AATK: variants seen among roughly 807,000 people sequenced by gnomAD.
The protein encoded by AATK is lemur tail kinase 1.
Under a neutral mutation model 114.3 loss-of-function variants are expected in AATK, and 91 were observed. The ratio of observed to expected loss-of-function variants is 0.80; its 90% CI spans 0.67 to 0.95. AATK has a LOEUF of 0.95. Ranked by LOEUF, AATK falls within the 40% of genes least tolerant of loss-of-function variation. The pLI, the probability that AATK is intolerant of heterozygous loss-of-function variation, is 0.00. For missense variants in AATK, 2,176 were observed against 1,965.2 expected (o/e 1.11, Z -2.03); for synonymous variants, 1,075 against 916.5 (o/e 1.17, Z -3.12).
chr17:81,124,016 A>G, intron 9 of AATK, among the ~76,000 whole-genome samples: 1 of 152,056 alleles, frequency 6.6e-6, no homozygotes, highest in East Asian at 1.9e-4. Context: ...AGGAAGGGGC[A>G]CCTTGGTGGA....
chr17:81,165,534 T>C, intron 1 of AATK: 2 of 855,694 alleles, frequency 2.3e-6, no homozygotes, highest in Non-Finnish European at 3.3e-6. Context: ...GGAAGAAGCC[T>C]CCCACGCCAG....
chr17:81,121,926 C>T lies in AATK; in HGVS notation c.2010G>A (p.Arg670=), dbSNP rs779863844. 1 of 1,600,606 alleles carries T rather than the reference C, an allele frequency of 6.2e-7. No individual in the cohort carries two copies. Residue 670 remains arginine, a synonymous_variant, in exon 11 of 14, where the codon CGG becomes CGA. Transcript: ENST00000326724. The part of the protein sequence containing the change: ...GEDELEEVGA[R]RAAQRGHWRS... The stretch of plus-strand genomic sequence containing the variant: ...GCCAGTGCCCGCGCTGGGCGGCCCT[C>T]CGCGCTCCCACCTCCTCTAGCTCAT...
At chr17:81,140,464 C>A (rs924799832) in intron 1 of AATK, among the ~76,000 whole-genome samples, 3 of 152,216 alleles carry the variant, frequency 2.0e-5, no homozygotes, top group Non-Finnish European at 2.9e-5. Flanking sequence ...TCCCGATCCT[C>A]GAAACTTGAG....
intron 1 of AATK, among the ~76,000 whole-genome samples, chr17:81,137,155 G>A (rs2061023094): frequency 6.6e-6 from 1 of 152,048 alleles, no homozygotes; most frequent in African/African-American, 2.4e-5. Context: ...CCACACAGGA[G>A]GCTGACACAG....
chr17:81,119,907 G>A (rs981622789), intron 12 of AATK, 29 bp downstream of exon 12: 11 of 1,410,344 alleles, frequency 7.8e-6, no homozygotes, highest in Admixed American at 3.4e-5. Flanking sequence ...CTCCCGTGAC[G>A]TCACGGGCCC....
intron 1 of AATK, among the ~76,000 whole-genome samples, chr17:81,158,573 G>A (rs2061394422): frequency 6.6e-6 from 1 of 152,226 alleles, no homozygotes; most frequent in African/African-American, 2.4e-5. Flanking sequence ...GAGGCCTTGT[G>A]TCCAGGACCT....
At chr17:81,155,014 G>A (rs2061344001) in intron 1 of AATK, among the ~76,000 whole-genome samples, 2 of 152,184 alleles carry the variant, frequency 1.3e-5, no homozygotes, top group Non-Finnish European at 2.9e-5. Context: ...TCCAGTGCTG[G>A]AGGTGTGAAC....
chr17:81,137,194 G>A (rs2061023829), intron 1 of AATK, among the ~76,000 whole-genome samples: 1 of 151,834 alleles, frequency 6.6e-6, no homozygotes, highest in South Asian at 2.1e-4. Context: ...GGAGGCGGAG[G>A]CTGCAGTGAG....
At chr17:81,145,269 A>G (rs150368575) in intron 1 of AATK, among the ~76,000 whole-genome samples, 2 of 30,574 alleles carry the variant, frequency 6.5e-5, no homozygotes, top group African/African-American at 9.3e-5. Flanking sequence ...AAAAGAAAAA[A>G]GAAAAAAATA....
intron 1 of AATK, among the ~76,000 whole-genome samples, chr17:81,141,928 C>T (rs895376544): frequency 2.6e-5 from 2 of 77,048 alleles, no homozygotes; most frequent in Middle Eastern, 5.4e-3. Flanking sequence ...TCCTTCCTTC[C>T]TTCCTTCCTT....
rs923223346 is a variant in AATK, at chr17:81,123,412, G to T, written c.963-69C>A. The T allele has an allele frequency of 4.5e-5, 58 of 1,289,294 alleles. 2 individuals carry two copies. In the South Asian group the frequency reaches 1.3e-3, roughly 29 times the overall value. 79.9% of individuals were successfully genotyped at this position (1,289,294 alleles called of 1,614,324 possible). ...ACAGCAAGGACCGCGCAGGATCCCCGGGGCGCCGAATGGGGCAGCTCCCGC... is the reference window on the plus strand; with the variant it reads ...ACAGCAAGGACCGCGCAGGATCCCCTGGGCGCCGAATGGGGCAGCTCCCGC... On this transcript the variant is annotated intron_variant, in intron 9 of 13. Transcript: ENST00000326724.
chr17:81,123,100 G>A (rs1384990074), intron 10 of AATK, 94 bp downstream of exon 10: 1 of 1,324,270 alleles, frequency 7.6e-7, no homozygotes, highest in Admixed American at 3.7e-5. Context: ...GGCAGGGCTG[G>A]AACGCCAGGG....
At chr17:81,122,938 C>T (rs988991668) in intron 10 of AATK, 115 bp from the exon 11 acceptor site, 72 of 1,062,042 alleles carry the variant, frequency 6.8e-5, no homozygotes, top group Non-Finnish European at 8.5e-5. Flanking sequence ...TTAAGGGTAT[C>T]TCCCACTTAA....
chr17:81,119,392 C>G lies in AATK; in HGVS notation c.4072G>C (p.Glu1358Gln), dbSNP rs187459344. The change falls in exon 13 of 14, where the codon GAG becomes CAG. Residue 1358 changes from glutamate to glutamine, a missense_variant. Around this residue, in one of 4 missense-constraint regions of AATK, gnomAD observed 1,701 missense variants for 1,394.7 expected, o/e 1.22. Transcript: ENST00000326724. ...SITHVSDSDA[E>Q]SKRGPEAGAG... ...GCCCAGGCCTCACCTCTCTTGGACTCGGCGTCCGAGTCAGACACGTGCGTG... is the reference window on the plus strand; with the variant it reads ...GCCCAGGCCTCACCTCTCTTGGACTGGGCGTCCGAGTCAGACACGTGCGTG... 6.4e-7 allele frequency: 1 copy of G among 1,563,238 alleles called. No individual in the cohort carries two copies.
In AATK at chr17:81,121,682, G is replaced by A; in HGVS notation, c.2254C>T (p.Gln752Ter). ...CPGLPHLCSAQGLAPAPCLVT... is the reference protein window; with the variant it reads ...CPGLPHLCSA ...AGGCAGGGAGCAGGTGCCAGGCCCT[G>A]GGCAGAGCATAGATGAGGGAGGCCG... Residue 752 changes from glutamine to a stop codon, truncating the protein, a stop_gained, in exon 11 of 14, where the codon CAG becomes TAG. Transcript: ENST00000326724. LOFTEE classifies it high-confidence loss of function. The A allele has an allele frequency of 4.7e-6, 7 of 1,501,476 alleles. No homozygotes were observed. The highest frequency in any genetic ancestry group is 6.2e-6 in the Non-Finnish European group (7 of 1,129,844). 93.0% of individuals were successfully genotyped at this position (1,501,476 alleles called of 1,614,324 possible). A position where few individuals can be genotyped will look rare whatever the true frequency, so the allele number is the denominator to read the frequency against.
chr17:81,148,978 G>T (rs770692693), intron 1 of AATK, among the ~76,000 whole-genome samples: 11 of 152,188 alleles, frequency 7.2e-5, no homozygotes, highest in Non-Finnish European at 1.3e-4. Context: ...ACGGAGACCG[G>T]GGGTGGAGGT....
chr17:81,148,369 C>T (rs564910671), intron 1 of AATK, among the ~76,000 whole-genome samples: 29 of 152,344 alleles, frequency 1.9e-4, no homozygotes, highest in African/African-American at 6.5e-4. Context: ...CTTGCTCCTC[C>T]ACCCTGACAT....
At position 81,119,360 on chromosome 17, in the gene AATK, C is replaced by A; in HGVS notation, c.4084+20G>T. ...CTGCCTCCCGCGTGCCCTTCTGCCA[C>A]AGCCCCGCCCAGGCCTCACCTCTCT... On this transcript the variant is annotated intron_variant, in intron 13 of 13. Transcript: ENST00000326724. The A allele has an allele frequency of 2.0e-6, 1 of 511,520 alleles. No homozygotes were observed. The highest frequency in any genetic ancestry group is 2.9e-6 in the Non-Finnish European group (1 of 348,376). The allele number at this position is 511,520 out of a possible 1,614,324, so 31.7% of individuals were successfully genotyped here. A position where few individuals can be genotyped will look rare whatever the true frequency, so the allele number is the denominator to read the frequency against.
intron 1 of AATK, among the ~76,000 whole-genome samples, chr17:81,138,137 G>A (rs2061047601): frequency 7.1e-6 from 1 of 140,922 alleles, no homozygotes; most frequent in Non-Finnish European, 1.5e-5. Context: ...ACACACACAT[G>A]CACACATACG....
Sources: gnomAD v4.1 joint callset for allele counts (sites outside exome capture counted in the v4.1 genomes callset) on GRCh38, gnomAD v4.1.1 for gene constraint, gnomAD v4.1.1 regional missense constraint, MANE v1.5 for transcripts, NCBI Gene and HGNC (gene_info 2026-07-23, HGNC 2026-07-21) for gene names.